Variants in TSC22D2 observed in about 807,000 individuals in gnomAD.
TSC22D2 encodes the protein TSC22 domain family protein 2.
Under a neutral mutation model 50.1 loss-of-function variants are expected in TSC22D2, and 5 were observed. The ratio of observed to expected loss-of-function variants is 0.10; its 90% CI spans 0.05 to 0.21. The LOEUF is 0.21. TSC22D2 is among the 10% of genes least tolerant of loss of function. The pLI is 1.00. For missense variants in TSC22D2, 1,003 were observed against 1,015.5 expected, an observed-to-expected ratio of 0.99 and a Z score of 0.17; for synonymous variants, 501 against 450.1, an observed-to-expected ratio of 1.11 and a Z score of -1.43.
At chr3:150,445,052 T>G (rs534957394) in intron 1 of TSC22D2, among the ~76,000 whole-genome samples, 1 of 152,234 alleles carries the variant, frequency 6.6e-6, no homozygotes, top group African/African-American at 2.4e-5. Flanking sequence ...TTGGAAATTT[T>G]TATTTGAATT....
At chr3:150,455,838 A>G (rs1156658784) in intron 1 of TSC22D2, among the ~76,000 whole-genome samples, 2 of 152,196 alleles carry the variant, frequency 1.3e-5, no homozygotes. Flanking sequence ...AATAAGCTAC[A>G]GTATCAGATT....
At chr3:150,412,435 A>G (rs941225772) in intron 1 of TSC22D2, among the ~76,000 whole-genome samples, 4 of 152,220 alleles carry the variant, frequency 2.6e-5, no homozygotes, top group Non-Finnish European at 5.9e-5. Flanking sequence ...AATGACATGT[A>G]TGTTAAAGCT....
chr3:150,417,321 C>T (rs1253400565), intron 1 of TSC22D2, among the ~76,000 whole-genome samples: 1 of 152,040 alleles, frequency 6.6e-6, no homozygotes, highest in Non-Finnish European at 1.5e-5. Flanking sequence ...TGTAAAGCCT[C>T]TAGTTTCTAA....
At chr3:150,440,694 C>T (rs924755938) in intron 1 of TSC22D2, among the ~76,000 whole-genome samples, 1 of 151,788 alleles carries the variant, frequency 6.6e-6, no homozygotes, top group African/African-American at 2.4e-5. Context: ...TCCTTTTTTG[C>T]CCACTTTTAA....
intron 1 of TSC22D2, among the ~76,000 whole-genome samples, chr3:150,428,898 A>G (rs563699258): frequency 2.0e-5 from 3 of 152,158 alleles, no homozygotes; most frequent in Admixed American, 1.3e-4. Flanking sequence ...AAATAATACA[A>G]CTATCTTCCT....
intron 1 of TSC22D2, among the ~76,000 whole-genome samples, chr3:150,426,066 CTGTT>C (rs1392070867): frequency 2.0e-5 from 3 of 152,208 alleles, no homozygotes; most frequent in African/African-American, 4.8e-5. Context: ...TCTGTCTTCT[CTGTT>C]TGCCATTTGC....
chr3:150,442,273 CA>C (rs1426801271), intron 1 of TSC22D2, among the ~76,000 whole-genome samples: 1 of 152,154 alleles, frequency 6.6e-6, no homozygotes, highest in Non-Finnish European at 1.5e-5. Flanking sequence ...TCACACTTAA[CA>C]TCTTATATAT....
Position 150,463,434 on chromosome 3 carries a change from A to C in TSC22D2, c.*4798A>C, listed in dbSNP as rs1165302509. 1 of 152,120 alleles carries C rather than the reference A, an allele frequency of 6.6e-6. No individual in the cohort carries two copies. The highest frequency in any genetic ancestry group is 1.5e-5 in the Non-Finnish European group (1 of 68,032). 9.4% of individuals were successfully genotyped at this position (152,120 alleles called of 1,614,324 possible). On this transcript the variant is annotated 3_prime_UTR_variant, in exon 3 of 3. Coordinates refer to ENST00000688009, the MANE Select transcript of TSC22D2 (RefSeq NM_001303264.2). ...TTAATAATCCATATTTCTATTTTCT[A>C]GCAATAGTAATAGTTTATTATTTAG...
chr3:150,433,457 G>A (rs1451065507), intron 1 of TSC22D2, among the ~76,000 whole-genome samples: 6 of 152,144 alleles, frequency 3.9e-5, no homozygotes, highest in Non-Finnish European at 5.9e-5. Context: ...AACCTTTGTC[G>A]TAGAAGACAG....
rs1377015250 is a variant in TSC22D2 at position 150,424,981 on chromosome 3, T to C, written c.1958+13673T>C. Among the ~76,000 whole-genome samples the C allele has an allele frequency of 2.0e-5, 3 of 152,174 alleles. No individual in the cohort carries two copies. In the East Asian group the frequency reaches 5.8e-4, roughly 29 times the overall value. On this transcript the variant is annotated intron_variant, in intron 1 of 2. Transcript: ENST00000688009. ...TAGTTTTAATAGTCTACACTTTCAGTTGGCAACTATCTACAGAATTACTGA... is the reference window on the plus strand; with the variant it reads ...TAGTTTTAATAGTCTACACTTTCAGCTGGCAACTATCTACAGAATTACTGA...
intron 1 of TSC22D2, chr3:150,423,219 TA>T (rs777910982): frequency 2.2e-5 from 19 of 849,640 alleles, no homozygotes; most frequent in African/African-American, 7.0e-5. Flanking sequence ...TTTGTTATTT[TA>T]GGGGGGAAAT....
intron 1 of TSC22D2, among the ~76,000 whole-genome samples, chr3:150,433,749 T>C (rs1174724593): frequency 6.6e-6 from 1 of 152,222 alleles, no homozygotes; most frequent in Non-Finnish European, 1.5e-5. Flanking sequence ...TATCAACTCT[T>C]CAAAAAGCAT....
intron 1 of TSC22D2, chr3:150,423,024 T>C: frequency 6.3e-7 from 1 of 1,596,180 alleles, no homozygotes; most frequent in Middle Eastern, 1.7e-4. Context: ...CAACCTCATT[T>C]CCATTTGATT....
Position 150,439,868 on chromosome 3 carries a change from A to G in TSC22D2, c.1959-17208A>G, listed in dbSNP as rs551242917. Among the ~76,000 whole-genome samples, 17 of 152,324 alleles carry G rather than the reference A, an allele frequency of 1.1e-4. No individual in the cohort carries two copies. In the South Asian group the frequency reaches 3.5e-3, roughly 32 times the overall value. ...CAATGCTGGGTTACTATAAATGCCC[A>G]TTAGACTGATGGGACAAATCAGAGC... On this transcript the variant is annotated intron_variant, in intron 1 of 2. Transcript: ENST00000688009.
rs1455313959 is a variant in TSC22D2, at chr3:150,465,519, C to T, written c.*6883C>T. 6.6e-6 allele frequency: 1 copy of T among 152,186 alleles called. No homozygotes were observed. Among genetic ancestry groups the T allele is most frequent in the Non-Finnish European group, 1.5e-5 (1 of 68,010 alleles). The allele number at this position is 152,186 out of a possible 1,614,324, so 9.4% of individuals were successfully genotyped here. A position where few individuals can be genotyped will look rare whatever the true frequency, so the allele number is the denominator to read the frequency against. ...ATCACCCATTAAATTTTAAAAGTCA[C>T]ATACCCTGTGACCTAACAATTCCAA... is the stretch of plus-strand genomic sequence containing the variant. On this transcript the variant is annotated 3_prime_UTR_variant, in exon 3 of 3. Coordinates refer to ENST00000688009, the MANE Select transcript of TSC22D2 (RefSeq NM_001303264.2).
Position 150,461,545 on chromosome 3 carries a change from C to T in TSC22D2, c.*2909C>T, listed in dbSNP as rs1440364968. On this transcript the variant is annotated 3_prime_UTR_variant, in exon 3 of 3. Transcript: ENST00000688009. Reference sequence around the variant, plus strand: ...ATACGGTAATTGTCTACAATTCAAACCTAACTTTCCCCAAATAAAATTTAG... The same window carrying T: ...ATACGGTAATTGTCTACAATTCAAATCTAACTTTCCCCAAATAAAATTTAG... 1 of 152,134 alleles carries T rather than the reference C, an allele frequency of 6.6e-6. No individual in the cohort carries two copies. Among genetic ancestry groups the T allele is most frequent in the African/African-American group, 2.4e-5 (1 of 41,424 alleles). The allele number at this position is 152,134 out of a possible 1,614,324, so 9.4% of individuals were successfully genotyped here. A position where few individuals can be genotyped will look rare whatever the true frequency, so the allele number is the denominator to read the frequency against.
Position 150,464,495 on chromosome 3 carries a change from G to A in TSC22D2, c.*5859G>A, listed in dbSNP as rs1445301853. ...TGCTGCAACCTGTACTGGATGTTTG[G>A]GGATAGAAAGATGAATGGGACATGA... is the stretch of plus-strand genomic sequence containing the variant. On this transcript the variant is annotated 3_prime_UTR_variant, in exon 3 of 3. Coordinates refer to ENST00000688009, the MANE Select transcript of TSC22D2 (RefSeq NM_001303264.2). 6.6e-6 allele frequency: 1 copy of A among 152,034 alleles called. No individual in the cohort carries two copies. Among genetic ancestry groups the A allele is most frequent in the African/African-American group, 2.4e-5 (1 of 41,402 alleles). The allele number at this position is 152,034 out of a possible 1,614,324, so 9.4% of individuals were successfully genotyped here.
intron 1 of TSC22D2, among the ~76,000 whole-genome samples, chr3:150,454,729 A>G (rs1721136605): frequency 6.6e-6 from 1 of 152,206 alleles, no homozygotes; most frequent in East Asian, 1.9e-4. Context: ...GGTAGTAATT[A>G]TATTTGACAC....
chr3:150,422,583 A>G (rs956442034), intron 1 of TSC22D2, among the ~76,000 whole-genome samples: 4 of 152,334 alleles, frequency 2.6e-5, no homozygotes, highest in African/African-American at 9.6e-5. Context: ...TTCATTGTTA[A>G]TCAAACCTTT....
Sources: gnomAD v4.1 joint callset for allele counts (sites outside exome capture counted in the v4.1 genomes callset) on GRCh38, gnomAD v4.1.1 for gene constraint, MANE v1.5 for transcripts, NCBI Gene and HGNC (gene_info 2026-07-23, HGNC 2026-07-21) for gene names.